The following CHDH variants were observed in gnomAD, a reference collection of about 807,000 sequenced individuals.
The protein encoded by CHDH is choline dehydrogenase.
A neutral mutation model predicts 56.9 loss-of-function variants in CHDH; 43 were observed. That is an observed-to-expected ratio of 0.76 (90% CI 0.59 to 0.97). CHDH has a LOEUF of 0.97. CHDH is among the 50% of genes least tolerant of loss of function. The probability of loss-of-function intolerance (pLI) is 0.00; values close to 1 mark genes in which losing one functional copy is unlikely to be tolerated. For synonymous variants in CHDH, 364 were observed against 348.5 expected (o/e 1.04, Z -0.50); for missense variants, 816 against 821.1 (o/e 0.99, Z 0.08).
chr3:53,839,902 G>A (rs2106985131), intron 2 of CHDH, among the ~76,000 whole-genome samples: 1 of 152,278 alleles, frequency 6.6e-6, no homozygotes, highest in South Asian at 2.1e-4. Context: ...ATGAGTTCCT[G>A]TCATTTGCAG....
intron 2 of CHDH, among the ~76,000 whole-genome samples, chr3:53,836,946 C>A (rs1278874201): frequency 6.6e-6 from 1 of 152,204 alleles, no homozygotes; most frequent in Non-Finnish European, 1.5e-5. Flanking sequence ...ATTTTCTGGG[C>A]TGAGGCAGGA....
In CHDH at chr3:53,820,518, A is replaced by G; in HGVS notation, c.1076T>C (p.Leu359Pro). 1 of 1,614,060 alleles carries G rather than the reference A, an allele frequency of 6.2e-7. No individual in the cohort carries two copies. The highest frequency in any genetic ancestry group is 2.2e-5 in the East Asian group (1 of 44,878). Reference protein sequence around the residue: ...PITLHSAQKPLRKVCIGLEWL... With the variant: ...PITLHSAQKPPRKVCIGLEWL... Reference sequence around the variant, plus strand: ...CTCCAGACCAATGCAGACCTTCCGCAGGGGCTTCTGTGCTGAATGGAGGGT... The same window carrying G: ...CTCCAGACCAATGCAGACCTTCCGCGGGGGCTTCTGTGCTGAATGGAGGGT... The change falls in exon 6 of 9, where the codon CTG (leucine) becomes CCG (proline). Residue 359 changes from leucine to proline, a missense_variant. Physicochemically the swap from Leu to Pro is moderately conservative, Grantham distance 98. Coordinates refer to ENST00000315251, the MANE Select transcript of CHDH (RefSeq NM_018397.5).
rs183589927 is a variant in CHDH, at chr3:53,834,811, T to A, written c.-60+6118A>T. Among the ~76,000 whole-genome samples, 359 of 152,368 alleles carry A rather than the reference T, an allele frequency of 2.4e-3. 5 individuals carry two copies. The highest frequency in any genetic ancestry group is 0.019 in the Admixed American group (298 of 15,306). On this transcript the variant is annotated intron_variant, in intron 2 of 8. Coordinates refer to ENST00000315251, the MANE Select transcript of CHDH (RefSeq NM_018397.5). The stretch of plus-strand genomic sequence containing the variant: ...TCTTTCTAGCTCTTGGCCAGTGCAG[T>A]GTACTGTGCCCTGTAGGATTAGATC...
rs146890343 is a variant in CHDH, at chr3:53,818,122, C to T, written c.1440G>A (p.Pro480=). Residue 480 remains proline, a synonymous_variant, in exon 9 of 9, where the codon CCG becomes CCA. Transcript: ENST00000315251. ...REIFAQEALA[P]FRGKELQPGS... Reference sequence around the variant, plus strand: ...CTGGCTGGAGCTCTTTCCCTCGGAACGGAGCCAGGGCTTCCTGTGCAAAAA... The same window carrying T: ...CTGGCTGGAGCTCTTTCCCTCGGAATGGAGCCAGGGCTTCCTGTGCAAAAA... 50 of 1,614,012 alleles carry T rather than the reference C, an allele frequency of 3.1e-5. No homozygotes were observed. The highest frequency in any genetic ancestry group is 1.6e-4 in the Middle Eastern group (1 of 6,082).
At position 53,823,344 on chromosome 3, in the gene CHDH, T is replaced by G; in HGVS notation, c.665A>C (p.Gln222Pro). The G allele has an allele frequency of 6.3e-7, 1 of 1,595,576 alleles. No individual in the cohort carries two copies. Among genetic ancestry groups the G allele is most frequent in the East Asian group, 2.3e-5 (1 of 44,326 alleles). Residue 222 changes from glutamine (Q) to proline (P), a missense_variant, in exon 3 of 9, where the codon CAG becomes CCG. Coordinates refer to ENST00000315251, the MANE Select transcript of CHDH (RefSeq NM_018397.5). ...CATGTCCATCCAGCCGAAGCCCTCCTGCTGGAAGCCATTCATGTCCTCGGT... is the reference window on the plus strand; with the variant it reads ...CATGTCCATCCAGCCGAAGCCCTCCGGCTGGAAGCCATTCATGTCCTCGGT... ...PLTEDMNGFQQEGFGWMDMTI... is the reference protein window; with the variant it reads ...PLTEDMNGFQPEGFGWMDMTI...
At chr3:53,837,786 G>A (rs899065729) in intron 2 of CHDH, among the ~76,000 whole-genome samples, 5 of 152,052 alleles carry the variant, frequency 3.3e-5, no homozygotes, top group African/African-American at 4.8e-5. Flanking sequence ...GGCCGGGCGC[G>A]GTGGCTCACA....
At chr3:53,844,405 G>T (rs1698785361) in intron 1 of CHDH, among the ~76,000 whole-genome samples, 1 of 152,194 alleles carries the variant, frequency 6.6e-6, no homozygotes, top group South Asian at 2.1e-4. Flanking sequence ...AGTGCCCTTG[G>T]TCTCTCTGCC....
rs2095618071 is a variant in CHDH, at chr3:53,817,611, C to T, written c.*166G>A. 3.2e-6 allele frequency: 2 copies of T among 620,766 alleles called. No homozygotes were observed. The highest frequency in any genetic ancestry group is 1.8e-5 in the African/African-American group (1 of 54,292). The allele number at this position is 620,766 out of a possible 1,614,324, so 38.5% of individuals were successfully genotyped here. A position where few individuals can be genotyped will look rare whatever the true frequency, so the allele number is the denominator to read the frequency against. On this transcript the variant is annotated 3_prime_UTR_variant, in exon 9 of 9. Coordinates refer to ENST00000315251, the MANE Select transcript of CHDH (RefSeq NM_018397.5). ...AAGGAGCTGGATTCACTGCCCAGTA[C>T]TTGTCTCATTTCCCAAGACTTTATC...
At chr3:53,823,231 G>A in intron 3 of CHDH, 75 bp downstream of exon 3, 1 of 1,353,396 alleles carries the variant, frequency 7.4e-7, no homozygotes, top group Admixed American at 2.9e-5. Context: ...CCAGGAGCCT[G>A]GAGCCACGGG....
chr3:53,822,612 A>G lies in CHDH; in HGVS notation c.734T>C (p.Leu245Pro). 6.2e-7 allele frequency: 1 copy of G among 1,611,546 alleles called. No individual in the cohort carries two copies. The highest frequency in any genetic ancestry group is 8.5e-7 in the Non-Finnish European group (1 of 1,179,892). ...GKRWSAACAYLHPALSRTNLK... is the reference protein window; with the variant it reads ...GKRWSAACAYPHPALSRTNLK... ...GTTGGTGCGGCTCAGTGCTGGGTGCAGGTAGGCACAGGCCGCGCTCCACCG... is the reference window on the plus strand; with the variant it reads ...GTTGGTGCGGCTCAGTGCTGGGTGCGGGTAGGCACAGGCCGCGCTCCACCG... The change falls in exon 4 of 9, where the codon CTG (leucine) becomes CCG (proline). Residue 245 changes from leucine to proline, a missense_variant. Leu to Pro is a moderately conservative substitution (Grantham distance 98). Coordinates refer to ENST00000315251, the MANE Select transcript of CHDH (RefSeq NM_018397.5).
chr3:53,844,022 A>T (rs1294964701), intron 1 of CHDH, among the ~76,000 whole-genome samples: 1 of 152,170 alleles, frequency 6.6e-6, no homozygotes, highest in Non-Finnish European at 1.5e-5. Context: ...CCCCGAGGGG[A>T]CAGGCAGACA....
In CHDH at chr3:53,815,254, C is replaced by T. The variant is rs562930374; in HGVS notation, c.*2523G>A. 11 of 152,384 alleles carry T rather than the reference C, an allele frequency of 7.2e-5. No homozygotes were observed. The highest frequency in any genetic ancestry group is 2.2e-4 in the African/African-American group (9 of 41,582). 9.4% of individuals were successfully genotyped at this position (152,384 alleles called of 1,614,324 possible). On this transcript the variant is annotated 3_prime_UTR_variant, in exon 9 of 9. Transcript: ENST00000315251. ...CTCTTTGAGCCATTTTTGCAAAGCA[C>T]GTTTCTCTGTTTTTAGGTACTGCAA...
intron 6 of CHDH, 79 bp downstream of exon 6, chr3:53,820,395 A>T (rs1174740254): frequency 1.7e-5 from 26 of 1,500,138 alleles, no homozygotes; most frequent in South Asian, 9.4e-5. Flanking sequence ...AGTGGCCAGA[A>T]CCCCTGTTCA....
rs1553695045 is a variant in CHDH, at chr3:53,816,140, C to CCCCG, written c.*1636_*1637insCGGG. On this transcript the variant is annotated 3_prime_UTR_variant, in exon 9 of 9. Coordinates refer to ENST00000315251, the MANE Select transcript of CHDH (RefSeq NM_018397.5). ...AACTTGTGGCTGTCGGACGCCCCCC[C>CCCCG]CCCCCGCCCCAGTCTGTAAGCCGCC... The CCCCG allele has an allele frequency of 5.0e-5, 6 of 120,762 alleles. 1 individual carries two copies. The highest frequency in any genetic ancestry group is 2.1e-4 in the African/African-American group (6 of 29,218). 7.5% of individuals were successfully genotyped at this position (120,762 alleles called of 1,614,324 possible).
rs762147094 is a variant in CHDH, at chr3:53,819,068, G to C, written c.1264-28C>G. 3 of 1,492,334 alleles carry C rather than the reference G, an allele frequency of 2.0e-6. No individual in the cohort carries two copies. The East Asian group carries it at 6.8e-5, about 34-fold the overall frequency. 92.4% of individuals were successfully genotyped at this position (1,492,334 alleles called of 1,614,324 possible). A position where few individuals can be genotyped will look rare whatever the true frequency, so the allele number is the denominator to read the frequency against. Reference sequence around the variant, plus strand: ...AGAAGAACACAGAGGAAGCAGTGACGGTCCCTCCATAGACATCCACAGTGA... The same window carrying C: ...AGAAGAACACAGAGGAAGCAGTGACCGTCCCTCCATAGACATCCACAGTGA... On this transcript the variant is annotated intron_variant, in intron 7 of 8. Transcript: ENST00000315251. This position sits in a 1 kb window ranked among gnomAD's most constrained non-coding sequence, Gnocchi z 5.4.
chr3:53,839,704 A>G lies in CHDH; in HGVS notation c.-60+1225T>C, dbSNP rs148351636. On this transcript the variant is annotated intron_variant, in intron 2 of 8. Transcript: ENST00000315251. ...TATCATATAATCCAACAATCCCACTACTGGGCTGGGTATATAGAAGAAAGG... is the reference window on the plus strand; with the variant it reads ...TATCATATAATCCAACAATCCCACTGCTGGGCTGGGTATATAGAAGAAAGG... Among the ~76,000 whole-genome samples the G allele has an allele frequency of 1.2e-3, 177 of 152,362 alleles. 1 individual carries two copies. The highest frequency in any genetic ancestry group is 3.6e-3 in the African/African-American group (151 of 41,582).
At chr3:53,845,009 T>C (rs1372037692) in intron 1 of CHDH, among the ~76,000 whole-genome samples, 1 of 152,222 alleles carries the variant, frequency 6.6e-6, no homozygotes, top group Non-Finnish European at 1.5e-5. Flanking sequence ...CCATGTGTGG[T>C]TCACCTTTGC....
chr3:53,827,396 T>C (rs2095640937), intron 2 of CHDH, among the ~76,000 whole-genome samples: 1 of 152,210 alleles, frequency 6.6e-6, no homozygotes, highest in African/African-American at 2.4e-5. Flanking sequence ...TGTGGAACCA[T>C]GAGCCAATTA....
chr3:53,844,827 C>T (rs920495631), intron 1 of CHDH: 3 of 152,284 alleles, frequency 2.0e-5, no homozygotes, highest in African/African-American at 4.8e-5. Context: ...AAATGGATGA[C>T]CATTTAAGCC....
Sources: gnomAD v4.1 joint callset for allele counts (sites outside exome capture counted in the v4.1 genomes callset) on GRCh38, gnomAD v4.1.1 for gene constraint, Gnocchi (gnomAD v3.1) non-coding constraint, MANE v1.5 for transcripts, NCBI Gene and HGNC (gene_info 2026-07-23, HGNC 2026-07-21) for gene names.